TYR: variants seen among roughly 807,000 people sequenced by gnomAD.
TYR encodes LB24-AB.
Under a neutral mutation model 51.5 loss-of-function variants are expected in TYR, and 58 were observed. That is an observed-to-expected ratio of 1.13 (90% CI 0.91 to 1.40). The LOEUF (loss-of-function observed/expected upper bound fraction) is 1.40, where lower values mean the gene tolerates loss of function less well. Among genes scored for constraint, TYR ranks in the 40% most tolerant of loss-of-function variants. The pLI is 0.00. For missense variants in TYR, 732 were observed against 647.4 expected (o/e 1.13, Z -1.42); for synonymous variants, 263 against 235.2 (o/e 1.12, Z -1.08).
At chr11:89,213,141 G>T (rs1025659234) in intron 2 of TYR, among the ~76,000 whole-genome samples, 5 of 152,142 alleles carry the variant, frequency 3.3e-5, no homozygotes, top group African/African-American at 1.2e-4. Context: ...AAGGGAGGAA[G>T]TCCAATTGTC....
intron 4 of TYR, among the ~76,000 whole-genome samples, chr11:89,288,338 C>T (rs549643057): frequency 6.6e-6 from 1 of 151,984 alleles, no homozygotes; most frequent in South Asian, 2.1e-4. Flanking sequence ...AATACTGAAT[C>T]CAAAACTTCA....
chr11:89,255,049 C>T (rs192341143), intron 3 of TYR, among the ~76,000 whole-genome samples: 116 of 151,832 alleles, frequency 7.6e-4, no homozygotes, highest in African/African-American at 2.5e-3. Context: ...TTTAAATTTC[C>T]GTCTTCATTT....
rs140649744 is a variant in TYR at position 89,229,949 on chromosome 11, G to A, written c.1184+1979G>A. 1.6e-4 allele frequency among the ~76,000 whole-genome samples: 25 copies of A among 151,918 alleles called. 1 individual carries two copies. In the East Asian group the frequency reaches 2.5e-3, roughly 15 times the overall value. Reference sequence around the variant, plus strand: ...TTCATAGATTAGAAAAATTAATGTCGTTAAAATTACTATACTACCCAAAGA... The same window carrying A: ...TTCATAGATTAGAAAAATTAATGTCATTAAAATTACTATACTACCCAAAGA... On this transcript the variant is annotated intron_variant, in intron 3 of 4. Transcript: ENST00000263321.
intron 3 of TYR, among the ~76,000 whole-genome samples, chr11:89,276,639 A>G (rs1944658061): frequency 6.6e-6 from 1 of 151,724 alleles, no homozygotes. Context: ...GTCCTCTGAG[A>G]AAAGGAACAC....
chr11:89,222,218 G>T (rs948239550), intron 2 of TYR, among the ~76,000 whole-genome samples: 1 of 152,170 alleles, frequency 6.6e-6, no homozygotes, highest in African/African-American at 2.4e-5. Flanking sequence ...CAGGTTTAGA[G>T]AATGGAGATC....
chr11:89,221,529 G>A (rs1401079517), intron 2 of TYR, among the ~76,000 whole-genome samples: 1 of 152,130 alleles, frequency 6.6e-6, no homozygotes, highest in Non-Finnish European at 1.5e-5. Flanking sequence ...TTTTTGATCT[G>A]CAATTCTGTA....
At chr11:89,278,574 C>T (rs1944684999) in intron 3 of TYR, among the ~76,000 whole-genome samples, 1 of 151,378 alleles carries the variant, frequency 6.6e-6, no homozygotes, top group African/African-American at 2.4e-5. Flanking sequence ...TATCTTAAGG[C>T]TTCCTTGTTT....
chr11:89,292,553 C>G (rs1417161802), intron 4 of TYR, among the ~76,000 whole-genome samples: 1 of 151,982 alleles, frequency 6.6e-6, no homozygotes, highest in African/African-American at 2.4e-5. Flanking sequence ...TATATGTGGT[C>G]AAAATCTGTT....
At chr11:89,271,895 A>G (rs1181003015) in intron 3 of TYR, among the ~76,000 whole-genome samples, 2 of 151,936 alleles carry the variant, frequency 1.3e-5, no homozygotes, top group African/African-American at 2.4e-5. Flanking sequence ...TTGCTCATCC[A>G]TAAGATGCAA....
intron 2 of TYR, among the ~76,000 whole-genome samples, chr11:89,211,171 T>C (rs1333008931): frequency 1.3e-5 from 2 of 151,936 alleles, no homozygotes; most frequent in Non-Finnish European, 2.9e-5. Flanking sequence ...GACTGGCAAA[T>C]TGGATAGTCA....
chr11:89,228,030 C>G, intron 3 of TYR, 60 bp downstream of exon 3: 1 of 1,582,722 alleles, frequency 6.3e-7, no homozygotes, highest in East Asian at 2.2e-5. Context: ...GGGTGCCTAT[C>G]AAATGTGATT....
At chr11:89,224,144 C>A (rs973146941) in intron 2 of TYR, among the ~76,000 whole-genome samples, 1 of 152,046 alleles carries the variant, frequency 6.6e-6, no homozygotes, top group African/African-American at 2.4e-5. Context: ...TAGGGTGGTA[C>A]CTAATGGTTG....
chr11:89,257,475 T>C (rs72965030), intron 3 of TYR, among the ~76,000 whole-genome samples: 13,346 of 150,814 alleles, frequency 0.088, 791 homozygotes, highest in African/African-American at 0.16. Flanking sequence ...GGAGATGTTA[T>C]ATAAACTTCA....
chr11:89,249,544 A>T (rs1028422377), intron 3 of TYR, among the ~76,000 whole-genome samples: 3 of 151,576 alleles, frequency 2.0e-5, no homozygotes, highest in Non-Finnish European at 4.4e-5. Context: ...GAGGAGAGAA[A>T]AGTACTTGTT....
chr11:89,233,318 T>C lies in TYR; in HGVS notation c.1184+5348T>C, dbSNP rs539706267. Among the ~76,000 whole-genome samples, 2 of 141,990 alleles carry C rather than the reference T, an allele frequency of 1.4e-5. 1 individual carries two copies. Among genetic ancestry groups the C allele is most frequent in the African/African-American group, 5.6e-5 (2 of 35,824 alleles). 93.2% of individuals were successfully genotyped at this position (141,990 alleles called of 152,430 possible). ...GGCTGCACTTGTAATTCTAGTTCTC[T>C]TGCTATTTCCATGATATCTGCAGTT... On this transcript the variant is annotated intron_variant, in intron 3 of 4. Transcript: ENST00000263321.
At chr11:89,239,514 A>G (rs1407207767) in intron 3 of TYR, among the ~76,000 whole-genome samples, 1 of 151,680 alleles carries the variant, frequency 6.6e-6, no homozygotes, top group African/African-American at 2.4e-5. Flanking sequence ...ACCAACTCTT[A>G]GCTTCATTTA....
At chr11:89,237,124 T>C (rs929584001) in intron 3 of TYR, among the ~76,000 whole-genome samples, 12 of 152,322 alleles carry the variant, frequency 7.9e-5, no homozygotes, top group African/African-American at 2.9e-4. Context: ...CTATGTCCCT[T>C]ATTTTGGACA....
At chr11:89,202,699 G>A (rs1943614634) in intron 2 of TYR, among the ~76,000 whole-genome samples, 1 of 149,100 alleles carries the variant, frequency 6.7e-6, no homozygotes, top group Non-Finnish European at 1.5e-5. Flanking sequence ...TGCCTCAGAT[G>A]ATTTTTATGA....
rs1183890194 is a variant in TYR, at chr11:89,178,192, G to C, written c.239G>C (p.Trp80Ser). ...PFTGVDDRES[W>S]PSVFYNRTCQ... ...ACAGGGGTGGATGACCGGGAGTCGTGGCCTTCCGTCTTTTATAATAGGACC... is the reference window on the plus strand; with the variant it reads ...ACAGGGGTGGATGACCGGGAGTCGTCGCCTTCCGTCTTTTATAATAGGACC... Residue 80 changes from tryptophan to serine, a missense_variant, in exon 1 of 5, where the codon TGG becomes TCG. Trp to Ser is a radical substitution (Grantham distance 177). Transcript: ENST00000263321. The C allele has an allele frequency of 6.2e-7, 1 of 1,614,134 alleles. No homozygotes were observed. The highest frequency in any genetic ancestry group is 1.1e-5 in the South Asian group (1 of 91,072).
Sources: allele counts gnomAD v4.1 joint callset (sites outside exome capture counted in the v4.1 genomes callset), GRCh38; gene constraint gnomAD v4.1.1; transcripts MANE v1.5; gene names NCBI Gene and HGNC (gene_info 2026-07-23, HGNC 2026-07-21).